The following CNTN4 variants were observed in gnomAD, a reference collection of about 807,000 sequenced individuals.
CNTN4 encodes contactin 4.
In CNTN4, 77 loss-of-function variants were observed where a neutral mutation model predicts 122.5. The observed-to-expected ratio is 0.63, with a 90% CI of 0.52 to 0.76. The LOEUF (loss-of-function observed/expected upper bound fraction) is 0.76. CNTN4 is among the 30% of genes least tolerant of loss of function. The pLI is 0.00. For missense variants in CNTN4, 1,256 were observed against 1,259.1 expected (o/e 1.00, Z 0.04); for synonymous variants, 512 against 447.0 (o/e 1.15, Z -1.83).
intron 2 of CNTN4, among the ~76,000 whole-genome samples, chr3:2,172,027 G>T (rs1287650424): frequency 6.6e-6 from 1 of 152,162 alleles, no homozygotes; most frequent in East Asian, 1.9e-4. Flanking sequence ...TGATTCTGAT[G>T]GATCCGAATG....
At chr3:2,818,862 C>T (rs1232362781) in intron 6 of CNTN4, among the ~76,000 whole-genome samples, 1 of 152,062 alleles carries the variant, frequency 6.6e-6, no homozygotes, top group Non-Finnish European at 1.5e-5. Context: ...AATTGTGTGT[C>T]TGTATATATG....
At chr3:2,619,845 A>G (rs2081926381) in intron 4 of CNTN4, among the ~76,000 whole-genome samples, 1 of 152,244 alleles carries the variant, frequency 6.6e-6, no homozygotes, top group Non-Finnish European at 1.5e-5. Flanking sequence ...AAAACATTGC[A>G]GTGCATTTGT....
chr3:2,691,827 C>T (rs1304202158), intron 4 of CNTN4, among the ~76,000 whole-genome samples: 20 of 152,124 alleles, frequency 1.3e-4, no homozygotes, highest in Admixed American at 1.3e-3. Flanking sequence ...GCTTTTTTCT[C>T]CTGCTGTTTA....
chr3:2,753,595 G>A (rs1412844935), intron 6 of CNTN4, among the ~76,000 whole-genome samples: 1 of 152,188 alleles, frequency 6.6e-6, no homozygotes, highest in Non-Finnish European at 1.5e-5. Context: ...TTGAGCAGAT[G>A]CCTGTTATAT....
At chr3:2,397,564 A>C (rs1490072448) in intron 3 of CNTN4, among the ~76,000 whole-genome samples, 1 of 152,124 alleles carries the variant, frequency 6.6e-6, no homozygotes, top group African/African-American at 2.4e-5. Context: ...GATTGTATCA[A>C]ATACAGACTA....
At chr3:2,861,708 G>A (rs961130534) in intron 7 of CNTN4, among the ~76,000 whole-genome samples, 1 of 151,616 alleles carries the variant, frequency 6.6e-6, no homozygotes, top group Admixed American at 6.6e-5. Flanking sequence ...AAATAAGAGT[G>A]TGTGTGTGTG....
At chr3:2,412,382 G>C (rs1294749436) in intron 3 of CNTN4, among the ~76,000 whole-genome samples, 2 of 151,944 alleles carry the variant, frequency 1.3e-5, no homozygotes, top group African/African-American at 4.8e-5. Context: ...CTCCCGAGTA[G>C]CTGGGATTAC....
chr3:2,121,703 A>C (rs551119034), intron 2 of CNTN4, among the ~76,000 whole-genome samples: 1 of 152,306 alleles, frequency 6.6e-6, no homozygotes, highest in African/African-American at 2.4e-5. Context: ...TGCATTGTTG[A>C]AATGAAGAGA....
chr3:2,785,060 A>G (rs896289878), intron 6 of CNTN4, among the ~76,000 whole-genome samples: 64 of 152,124 alleles, frequency 4.2e-4, no homozygotes, highest in Non-Finnish European at 8.1e-4. Flanking sequence ...CTAGTCAAAG[A>G]CATGGGCAAG....
intron 3 of CNTN4, among the ~76,000 whole-genome samples, chr3:2,352,414 C>T (rs560926930): frequency 7.9e-4 from 120 of 152,270 alleles, no homozygotes; most frequent in African/African-American, 2.9e-3. Flanking sequence ...GGGTGGGAAC[C>T]AGGGCTGCGC....
At chr3:2,384,405 G>A (rs11926996) in intron 3 of CNTN4, among the ~76,000 whole-genome samples, 15,295 of 152,034 alleles carry the variant, frequency 0.1, 1,105 homozygotes, top group East Asian at 0.41. Context: ...CTAATTACTC[G>A]CAGCACATAA....
chr3:2,909,563 A>G (rs541726544), intron 12 of CNTN4, among the ~76,000 whole-genome samples: 25 of 152,256 alleles, frequency 1.6e-4, no homozygotes, highest in African/African-American at 6.0e-4. Flanking sequence ...CTGATGGCAT[A>G]CCATACTCGT....
intron 4 of CNTN4, among the ~76,000 whole-genome samples, chr3:2,714,100 A>G (rs186287831): frequency 1.3e-5 from 2 of 152,330 alleles, no homozygotes; most frequent in East Asian, 3.9e-4. Flanking sequence ...TCTAGTAATT[A>G]TAGTAGTGAT....
intron 13 of CNTN4, among the ~76,000 whole-genome samples, chr3:2,930,209 G>A (rs2094507604): frequency 6.6e-6 from 1 of 152,140 alleles, no homozygotes; most frequent in Non-Finnish European, 1.5e-5. Flanking sequence ...AGACAGCGTT[G>A]TTTGGCATCC....
intron 6 of CNTN4, among the ~76,000 whole-genome samples, chr3:2,809,609 A>C (rs1218903656): frequency 1.3e-5 from 2 of 152,234 alleles, no homozygotes; most frequent in African/African-American, 2.4e-5. Flanking sequence ...CCAAAGATAA[A>C]GAATGCAGCT....
intron 2 of CNTN4, among the ~76,000 whole-genome samples, chr3:2,180,683 C>T (rs894394721): frequency 2.0e-5 from 3 of 152,068 alleles, no homozygotes; most frequent in African/African-American, 7.2e-5. Flanking sequence ...TCAAGTATAG[C>T]ATAAATCATC....
At chr3:2,952,655 A>G (rs868454223) in intron 13 of CNTN4, among the ~76,000 whole-genome samples, 1 of 152,116 alleles carries the variant, frequency 6.6e-6, no homozygotes, top group African/African-American at 2.4e-5. Flanking sequence ...TTTATTTTTT[A>G]TGGCGCAATC....
At chr3:2,155,831 C>T (rs1259694524) in intron 2 of CNTN4, among the ~76,000 whole-genome samples, 2 of 152,194 alleles carry the variant, frequency 1.3e-5, no homozygotes, top group Non-Finnish European at 1.5e-5. Context: ...TCTTGTTCAT[C>T]CTTAAGATCT....
intron 2 of CNTN4, among the ~76,000 whole-genome samples, chr3:2,332,202 G>A (rs1217670735): frequency 3.9e-5 from 6 of 152,166 alleles, no homozygotes; most frequent in African/African-American, 1.2e-4. Flanking sequence ...CTACAGCTCC[G>A]GTAATGTTAC....
Sources: gnomAD v4.1 joint callset for allele counts (sites outside exome capture counted in the v4.1 genomes callset) on GRCh38, gnomAD v4.1.1 for gene constraint, MANE v1.5 for transcripts, NCBI Gene and HGNC (gene_info 2026-07-23, HGNC 2026-07-21) for gene names.